KIAA0319L: variants seen among roughly 807,000 people sequenced by gnomAD.
KIAA0319L encodes dyslexia-associated protein KIAA0319-like protein.
A neutral mutation model predicts 120.1 loss-of-function variants in KIAA0319L; 55 were observed. That is an observed-to-expected ratio of 0.46 (90% confidence interval 0.37 to 0.57). The LOEUF is 0.57. Among genes scored for constraint, KIAA0319L ranks in the 20% least tolerant of loss-of-function variants. The pLI is 0.00. For missense variants in KIAA0319L, 1,049 were observed against 1,255.3 expected (o/e 0.84, Z 2.48); for synonymous variants, 398 against 471.9 (o/e 0.84, Z 2.03).
Position 35,500,033 on chromosome 1 carries a change from T to C in KIAA0319L, c.666+6579A>G, listed in dbSNP as rs559524230. On this transcript the variant is annotated intron_variant, in intron 3 of 20. Transcript: ENST00000325722. ...CTCATTTATCCTCTAAGTCATTTATTTGTTCCACAGAAAGCCACTGGCTTG... is the reference window on the plus strand; with the variant it reads ...CTCATTTATCCTCTAAGTCATTTATCTGTTCCACAGAAAGCCACTGGCTTG... Among the ~76,000 whole-genome samples the C allele has an allele frequency of 2.0e-5, 3 of 152,308 alleles. No individual in the cohort carries two copies. In the South Asian group the frequency reaches 6.2e-4, roughly 32 times the overall value.
chr1:35,461,786 C>A (rs577978753), intron 8 of KIAA0319L, among the ~76,000 whole-genome samples: 10 of 152,184 alleles, frequency 6.6e-5, no homozygotes, highest in African/African-American at 2.2e-4. Flanking sequence ...ATCACAAGGG[C>A]TTCTTCCTGT....
At chr1:35,547,122 C>A (rs1647012640) in intron 2 of KIAA0319L, among the ~76,000 whole-genome samples, 1 of 144,108 alleles carries the variant, frequency 6.9e-6, no homozygotes, top group Non-Finnish European at 1.5e-5. Flanking sequence ...TATGATCCAG[C>A]AATTCCACTA....
intron 20 of KIAA0319L, among the ~76,000 whole-genome samples, chr1:35,436,449 G>A (rs531248021): frequency 1.3e-5 from 2 of 152,264 alleles, no homozygotes; most frequent in East Asian, 1.9e-4. Flanking sequence ...AACACTGACC[G>A]CCAGGACATC....
intron 2 of KIAA0319L, among the ~76,000 whole-genome samples, chr1:35,523,072 G>A (rs1042444655): frequency 1.3e-5 from 2 of 148,398 alleles, no homozygotes; most frequent in Non-Finnish European, 3.0e-5. Flanking sequence ...TACCTTTCTA[G>A]CTCCAGCTTG....
rs771430922 is a variant in KIAA0319L at position 35,444,226 on chromosome 1, T to C, written c.2591A>G (p.Lys864Arg). The C allele has an allele frequency of 5.0e-6, 8 of 1,610,594 alleles. No individual in the cohort carries two copies. In the South Asian group the frequency reaches 5.5e-5, roughly 11 times the overall value. The change falls in exon 17 of 21, where the codon AAG becomes AGG. Residue 864 changes from lysine (K) to arginine (R), a missense_variant. By Grantham distance (26) the Lys-to-Arg change is conservative. Transcript: ENST00000325722. ...FKGHEVAAMLKSELRKQKADF... is the reference protein window; with the variant it reads ...FKGHEVAAMLRSELRKQKADF... ...TGCCTTTTGCTTCCGCAGCTCACTC[T>C]TGAGCATCGCTGCCACCTCATGGCC...
chr1:35,479,643 C>T (rs536952608), intron 3 of KIAA0319L, among the ~76,000 whole-genome samples: 5 of 152,204 alleles, frequency 3.3e-5, no homozygotes, highest in Non-Finnish European at 7.4e-5. Flanking sequence ...TGGTGGCTCA[C>T]GCCTGTACTC....
intron 4 of KIAA0319L, among the ~76,000 whole-genome samples, chr1:35,476,949 C>T (rs1027724621): frequency 1.3e-5 from 2 of 152,160 alleles, no homozygotes; most frequent in Admixed American, 6.5e-5. Context: ...TTTATTTATA[C>T]ACTATGTATA....
At chr1:35,516,354 A>C (rs1645680602) in intron 2 of KIAA0319L, among the ~76,000 whole-genome samples, 1 of 152,194 alleles carries the variant, frequency 6.6e-6, no homozygotes, top group Non-Finnish European at 1.5e-5. Context: ...AATCCACCAC[A>C]ATCAACTGGG....
In KIAA0319L at chr1:35,444,276, G is replaced by C; in HGVS notation, c.2541C>G (p.Asn847Lys). ...QSTKMVFFVQ[N>K]EPPHQIFKGH... ...CTTTGAAGATCTGGTGGGGAGGCTC[G>C]TTTTGAACAAAAAATACCATTTTGG... Residue 847 changes from asparagine to lysine, a missense_variant, in exon 17 of 21, where the codon AAC (asparagine) becomes AAG (lysine). By Grantham distance (94) the Asn-to-Lys change is moderately conservative. Coordinates refer to ENST00000325722, the MANE Select transcript of KIAA0319L (RefSeq NM_024874.5). 1 of 1,607,358 alleles carries C rather than the reference G, an allele frequency of 6.2e-7. No homozygotes were observed. Among genetic ancestry groups the C allele is most frequent in the Non-Finnish European group, 8.5e-7 (1 of 1,177,294 alleles).
At chr1:35,446,131 T>C (rs1356182630) in intron 16 of KIAA0319L, among the ~76,000 whole-genome samples, 2 of 152,146 alleles carry the variant, frequency 1.3e-5, no homozygotes, top group Non-Finnish European at 2.9e-5. Context: ...CCAGACCAAC[T>C]GAACTATAAT....
At chr1:35,469,826 T>C (rs1305733263) in intron 6 of KIAA0319L, among the ~76,000 whole-genome samples, 1 of 151,932 alleles carries the variant, frequency 6.6e-6, no homozygotes, top group African/African-American at 2.4e-5. Context: ...GTACAATGAA[T>C]AGATGTAGAA....
intron 12 of KIAA0319L, 68 bp from the exon 13 acceptor site, chr1:35,451,844 G>C: frequency 6.6e-7 from 1 of 1,520,008 alleles, no homozygotes; most frequent in East Asian, 2.3e-5. Flanking sequence ...AACTTAGCAG[G>C]AGGAGACAAT....
rs376586052 is a variant in KIAA0319L at position 35,479,104 on chromosome 1, C to T, written c.775G>A (p.Ala259Thr). 423 of 1,614,136 alleles carry T rather than the reference C, an allele frequency of 2.6e-4. 4 individuals are homozygous for T. In the South Asian group the frequency reaches 4.4e-3, roughly 17 times the overall value. ...ACTTGTTGAGTGCTGGGCGTAGTAG[C>T]AAGACCCTCTGATATTTCAGGTTGC... ...SVQPEISEGL[A>T]TTPSTQQVKS... Residue 259 changes from alanine to threonine, a missense_variant, in exon 4 of 21, where the codon GCT becomes ACT. By Grantham distance (58) the Ala-to-Thr change is moderately conservative. Coordinates refer to ENST00000325722, the MANE Select transcript of KIAA0319L (RefSeq NM_024874.5).
intron 2 of KIAA0319L, among the ~76,000 whole-genome samples, chr1:35,514,561 G>T (rs1645604334): frequency 6.6e-6 from 1 of 151,706 alleles, no homozygotes; most frequent in Admixed American, 6.6e-5. Flanking sequence ...AAGAGCAAAG[G>T]GAAAACTGAA....
intron 2 of KIAA0319L, among the ~76,000 whole-genome samples, chr1:35,548,405 T>C (rs1018199555): frequency 1.3e-5 from 2 of 152,178 alleles, no homozygotes; most frequent in East Asian, 1.9e-4. Context: ...TATTATAGTA[T>C]ATTTAATACA....
At chr1:35,552,739 G>C (rs1329474273) in intron 2 of KIAA0319L, among the ~76,000 whole-genome samples, 1 of 151,956 alleles carries the variant, frequency 6.6e-6, no homozygotes, top group East Asian at 1.9e-4. Context: ...GACCAACCTG[G>C]GCAAAACAGC....
At chr1:35,436,349 A>C (rs1416213222) in intron 20 of KIAA0319L, among the ~76,000 whole-genome samples, 1 of 152,132 alleles carries the variant, frequency 6.6e-6, no homozygotes, top group African/African-American at 2.4e-5. Flanking sequence ...GAGCTTCCTC[A>C]CCCGCGTTGG....
chr1:35,454,556 T>TA (rs1227517319), intron 10 of KIAA0319L, 71 bp from the exon 11 acceptor site: 2 of 1,586,708 alleles, frequency 1.3e-6, no homozygotes, highest in East Asian at 4.5e-5. Flanking sequence ...CCGACTCTGG[T>TA]AAAAACGATT....
At chr1:35,533,883 T>A (rs1441984295) in intron 2 of KIAA0319L, among the ~76,000 whole-genome samples, 29 of 152,066 alleles carry the variant, frequency 1.9e-4, no homozygotes. Context: ...GCACACCCAC[T>A]AATAAACAAA....
Sources: allele counts gnomAD v4.1 joint callset (sites outside exome capture counted in the v4.1 genomes callset), GRCh38; gene constraint gnomAD v4.1.1; transcripts MANE v1.5; gene names NCBI Gene and HGNC (gene_info 2026-07-23, HGNC 2026-07-21).